Variants in COX7B2 observed in about 807,000 individuals in gnomAD.
COX7B2 encodes cytochrome c oxidase subunit 7B2, also known as cytochrome c oxidase subunit 7B2, mitochondrial.
For synonymous variants in COX7B2, 37 were observed against 32.1 expected (o/e 1.15, Z -0.51); for missense variants, 109 against 95.9 (o/e 1.14, Z -0.57).
intron 2 of COX7B2, among the ~76,000 whole-genome samples, chr4:46,807,095 C>CGTT (rs1553887838): frequency 2.6e-5 from 4 of 151,014 alleles, no homozygotes; most frequent in Admixed American, 2.6e-4. Flanking sequence ...AAACCTCATA[C>CGTT]TTTTTTTTTA....
At chr4:46,788,479 T>A (rs1717868253) in intron 2 of COX7B2, among the ~76,000 whole-genome samples, 1 of 152,148 alleles carries the variant, frequency 6.6e-6, no homozygotes, top group Non-Finnish European at 1.5e-5. Flanking sequence ...CTATTTCAAG[T>A]AAAATGGCTG....
At chr4:46,907,546 A>G (rs1720465383) in intron 1 of COX7B2, among the ~76,000 whole-genome samples, 1 of 152,212 alleles carries the variant, frequency 6.6e-6, no homozygotes, top group African/African-American at 2.4e-5. Context: ...ATTTATGAAA[A>G]TCTATATGGT....
At chr4:46,832,248 C>T (rs1250284496) in intron 2 of COX7B2, among the ~76,000 whole-genome samples, 1 of 152,116 alleles carries the variant, frequency 6.6e-6, no homozygotes, top group Non-Finnish European at 1.5e-5. Flanking sequence ...AGCTTCACTC[C>T]TGAGCCAGTG....
chr4:46,853,490 C>G (rs964669818), intron 1 of COX7B2, among the ~76,000 whole-genome samples: 9 of 152,208 alleles, frequency 5.9e-5, no homozygotes, highest in African/African-American at 1.9e-4. Context: ...CTAGTCAACA[C>G]TCCTGTAAAA....
At chr4:46,803,849 T>C (rs1718807064) in intron 2 of COX7B2, among the ~76,000 whole-genome samples, 1 of 152,036 alleles carries the variant, frequency 6.6e-6, no homozygotes, top group Non-Finnish European at 1.5e-5. Flanking sequence ...AAAATGAAGC[T>C]TTCTAGAGCA....
chr4:46,760,057 A>G (rs1190133379), intron 2 of COX7B2, among the ~76,000 whole-genome samples: 1 of 152,054 alleles, frequency 6.6e-6, no homozygotes, highest in African/African-American at 2.4e-5. Flanking sequence ...GGACCAGGAG[A>G]ACACAGTGGG....
intron 2 of COX7B2, among the ~76,000 whole-genome samples, chr4:46,767,280 A>T (rs750515905): frequency 6.6e-6 from 1 of 152,238 alleles, no homozygotes; most frequent in Non-Finnish European, 1.5e-5. Context: ...GTTACTATAT[A>T]ATGAAAAAGT....
chr4:46,837,274 T>TACACACACACACACACACAC (rs33927124), intron 2 of COX7B2, among the ~76,000 whole-genome samples: 2 of 133,260 alleles, frequency 1.5e-5, no homozygotes, highest in Non-Finnish European at 3.3e-5. Flanking sequence ...CACAAAGACA[T>TACACACACACACACACACAC]ACACACACAC....
At chr4:46,891,009 A>G (rs1265953801) in intron 1 of COX7B2, among the ~76,000 whole-genome samples, 3 of 152,240 alleles carry the variant, frequency 2.0e-5, no homozygotes, top group African/African-American at 7.2e-5. Flanking sequence ...TCTTGATGAA[A>G]GTGGTGACAG....
chr4:46,881,553 A>G (rs1378128871), intron 1 of COX7B2, among the ~76,000 whole-genome samples: 3 of 152,098 alleles, frequency 2.0e-5, no homozygotes, highest in Non-Finnish European at 4.4e-5. Flanking sequence ...ACTTGGGGTC[A>G]GGAGTTCAAG....
intron 1 of COX7B2, among the ~76,000 whole-genome samples, chr4:46,893,090 A>G (rs1049257190): frequency 2.6e-5 from 4 of 152,180 alleles, no homozygotes; most frequent in Middle Eastern, 3.2e-3. Flanking sequence ...ACCCAGTCTC[A>G]GGTATTTCTT....
At chr4:46,884,178 T>A (rs12506793) in intron 1 of COX7B2, among the ~76,000 whole-genome samples, 52 of 144,430 alleles carry the variant, frequency 3.6e-4, no homozygotes, top group Non-Finnish European at 6.6e-4. Flanking sequence ...GGGGGCCAGT[T>A]GGGGGGTGGT....
chr4:46,872,425 G>A (rs1446654583), intron 1 of COX7B2, among the ~76,000 whole-genome samples: 1 of 151,980 alleles, frequency 6.6e-6, no homozygotes, highest in Non-Finnish European at 1.5e-5. Context: ...CCCATTACAC[G>A]TGTTTACCTG....
At chr4:46,901,674 T>C (rs755403813) in intron 1 of COX7B2, among the ~76,000 whole-genome samples, 2 of 152,252 alleles carry the variant, frequency 1.3e-5, no homozygotes, top group African/African-American at 2.4e-5. Context: ...CCCTCACTAA[T>C]GCGGACTTAC....
At chr4:46,742,573 T>C (rs190607549) in intron 2 of COX7B2, among the ~76,000 whole-genome samples, 4 of 152,284 alleles carry the variant, frequency 2.6e-5, no homozygotes, top group Admixed American at 2.6e-4. Context: ...TGTAATGGCA[T>C]CATCTCCTAA....
At chr4:46,803,170 T>C (rs1374355587) in intron 2 of COX7B2, among the ~76,000 whole-genome samples, 4 of 152,158 alleles carry the variant, frequency 2.6e-5, no homozygotes, top group Non-Finnish European at 5.9e-5. Flanking sequence ...TTTTCAGTTT[T>C]GTGATTCTAT....
chr4:46,756,156 C>G (rs1198433696), intron 2 of COX7B2, among the ~76,000 whole-genome samples: 1 of 151,920 alleles, frequency 6.6e-6, no homozygotes, highest in Non-Finnish European at 1.5e-5. Flanking sequence ...GAAATAAAGC[C>G]ACTTGTCTAC....
chr4:46,883,991 G>C (rs35709014), intron 1 of COX7B2, among the ~76,000 whole-genome samples: 20,378 of 151,992 alleles, frequency 0.13, 1,487 homozygotes, highest in South Asian at 0.26. Context: ...AATCAGAAGA[G>C]CTGAATTTGA....
At chr4:46,767,785 G>C (rs896539356) in intron 2 of COX7B2, among the ~76,000 whole-genome samples, 4 of 152,066 alleles carry the variant, frequency 2.6e-5, no homozygotes, top group Admixed American at 6.5e-5. Context: ...TTTAACAATG[G>C]AGACTAAAAA....
Sources: allele counts gnomAD v4.1 joint callset (sites outside exome capture counted in the v4.1 genomes callset), GRCh38; gene constraint gnomAD v4.1.1; transcripts MANE v1.5; gene names NCBI Gene and HGNC (gene_info 2026-07-23, HGNC 2026-07-21).